ZNF286A: variants seen among roughly 807,000 people sequenced by gnomAD.
The protein encoded by ZNF286A is zinc finger protein 286A, also known as zinc finger protein ZNF286.
Under a neutral mutation model 49.3 loss-of-function variants are expected in ZNF286A, and 34 were observed. That is an observed-to-expected ratio of 0.69 (90% CI 0.52 to 0.92). ZNF286A has a LOEUF of 0.92. Among genes scored for constraint, ZNF286A ranks in the 40% least tolerant of loss-of-function variants. The pLI, the probability that ZNF286A is intolerant of heterozygous loss-of-function variation, is 0.00. For missense variants in ZNF286A, 462 were observed against 600.2 expected, an observed-to-expected ratio of 0.77 and a Z score of 2.41; for synonymous variants, 155 against 200.4, an observed-to-expected ratio of 0.77 and a Z score of 1.91.
At chr17:15,705,986 T>C (rs531534769) in intron 3 of ZNF286A, among the ~76,000 whole-genome samples, 150 of 152,358 alleles carry the variant, frequency 9.8e-4, no homozygotes, top group African/African-American at 3.4e-3. Context: ...ATTGGCTAGA[T>C]TGACTCTTCA....
At chr17:15,707,659 T>C (rs1412256254) in intron 4 of ZNF286A, among the ~76,000 whole-genome samples, 1 of 152,204 alleles carries the variant, frequency 6.6e-6, no homozygotes, top group Admixed American at 6.5e-5. Flanking sequence ...TTTCTGACAG[T>C]TGAAAATATT....
chr17:15,710,933 A>T (rs1346708404), intron 5 of ZNF286A, among the ~76,000 whole-genome samples: 1 of 139,052 alleles, frequency 7.2e-6, no homozygotes, highest in Admixed American at 7.1e-5. Flanking sequence ...TTTTTTTTTG[A>T]CGGAGTCTTG....
At chr17:15,705,012 G>C in intron 3 of ZNF286A, 1 of 701,866 alleles carries the variant, frequency 1.4e-6, no homozygotes, top group Non-Finnish European at 2.1e-6. Flanking sequence ...AGGCCCCGGC[G>C]GCCCCGCTCC....
intron 5 of ZNF286A, among the ~76,000 whole-genome samples, chr17:15,714,317 TTGAGACAA>T (rs1472264307): frequency 2.6e-5 from 4 of 152,128 alleles, no homozygotes; most frequent in Non-Finnish European, 1.5e-5. Flanking sequence ...ATGGAAAATG[TTGAGACAA>T]TGAAAAAGGC....
At chr17:15,711,859 T>TC (rs1567709650) in intron 5 of ZNF286A, among the ~76,000 whole-genome samples, 2,637 of 83,122 alleles carry the variant, frequency 0.032, 328 homozygotes, top group African/African-American at 0.089. Flanking sequence ...ATCTGTAATC[T>TC]GCCCCCCCCC....
At chr17:15,708,832 G>T (rs1030053394) in intron 5 of ZNF286A, among the ~76,000 whole-genome samples, 31 of 152,114 alleles carry the variant, frequency 2.0e-4, no homozygotes, top group African/African-American at 7.2e-4. Context: ...AATATACCCA[G>T]TTTATTCTTC....
At chr17:15,714,637 T>C (rs1467578068) in intron 5 of ZNF286A, among the ~76,000 whole-genome samples, 2 of 152,180 alleles carry the variant, frequency 1.3e-5, no homozygotes, top group East Asian at 1.9e-4. Context: ...AAATAACTTA[T>C]CCAGTATCAC....
rs763118204 is a variant in ZNF286A at position 15,716,133 on chromosome 17, G to T, written c.409G>T (p.Ala137Ser). Reference protein sequence around the residue: ...DFSKAESCKVAIIDRLTRNSV... With the variant: ...DFSKAESCKVSIIDRLTRNSV... ...TTCCAAAGCAGAATCATGCAAAGTT[G>T]CAATAATAGACAGACTGACACGGAA... The change falls in exon 6 of 6, where the codon GCA becomes TCA. Residue 137 changes from alanine (A) to serine (S), a missense_variant. By Grantham distance (99) the Ala-to-Ser change is moderately conservative. Coordinates refer to ENST00000583566, the MANE Select transcript of ZNF286A (RefSeq NM_001130842.2). The T allele has an allele frequency of 8.1e-6, 13 of 1,613,744 alleles. No individual in the cohort carries two copies. The South Asian group carries it at 1.1e-4, about 14-fold the overall frequency.
chr17:15,701,547 T>C (rs965595789), intron 3 of ZNF286A: 7 of 232,132 alleles, frequency 3.0e-5, no homozygotes, highest in Non-Finnish European at 6.0e-5. Flanking sequence ...AAATATAATG[T>C]GGTACATACC....
chr17:15,704,146 A>C, intron 3 of ZNF286A: 7 of 1,040,328 alleles, frequency 6.7e-6, no homozygotes, highest in Non-Finnish European at 9.5e-6. Flanking sequence ...CCCCGACCCC[A>C]GCCATAATTT....
chr17:15,717,134 G>A lies in ZNF286A; in HGVS notation c.1410G>A (p.Glu470=). 6.2e-7 allele frequency: 1 copy of A among 1,613,638 alleles called. No homozygotes were observed. Residue 470 remains glutamate, a synonymous_variant, in exon 6 of 6, where the codon GAG becomes GAA. Coordinates refer to ENST00000583566, the MANE Select transcript of ZNF286A (RefSeq NM_001130842.2). ...GAAAGAAACCGTACAAATGTAGCGA[G>A]TGTGGAAAAGCCTTCATTCATTCAT... The part of the protein sequence containing the change: ...HIGKKPYKCS[E]CGKAFIHSSA...
rs1256845882 is a variant in ZNF286A, at chr17:15,716,071, G to C, written c.347G>C (p.Arg116Thr). Residue 116 changes from arginine (R) to threonine (T), a missense_variant, in exon 6 of 6, where the codon AGA becomes ACA. Physicochemically the swap from Arg to Thr is moderately conservative, Grantham distance 71. Transcript: ENST00000583566. ...PKSSYSDMET[R>T]PQSKDSTSVQ... ...CAATGTCTTTCAGACATGGAGACTA[G>C]ACCACAGAGCAAGGATTCAACTTCA... 6.2e-7 allele frequency: 1 copy of C among 1,613,836 alleles called. No individual in the cohort carries two copies. Among genetic ancestry groups the C allele is most frequent in the Non-Finnish European group, 8.5e-7 (1 of 1,179,804 alleles).
chr17:15,707,432 T>TAAA (rs374776604), intron 4 of ZNF286A, among the ~76,000 whole-genome samples: 2 of 131,860 alleles, frequency 1.5e-5, no homozygotes, highest in East Asian at 2.1e-4. Context: ...AGACTCTGTC[T>TAAA]AAAAAAAAAA....
chr17:15,709,630 T>C (rs1990499975), intron 5 of ZNF286A, among the ~76,000 whole-genome samples: 1 of 152,220 alleles, frequency 6.6e-6, no homozygotes, highest in Non-Finnish European at 1.5e-5. Context: ...TATACATATG[T>C]ATGTAAAACA....
chr17:15,717,631 C>G lies in ZNF286A; in HGVS notation c.*341C>G, dbSNP rs566390201. ...TATGTCAGAGCTTTGTTGTAAGCCT[C>G]TCACTTTGTAAGGAAATTCTTATTG... On this transcript the variant is annotated 3_prime_UTR_variant, in exon 6 of 6. Coordinates refer to ENST00000583566, the MANE Select transcript of ZNF286A (RefSeq NM_001130842.2). The G allele has an allele frequency of 8.5e-6, 2 of 234,686 alleles. No homozygotes were observed. Among genetic ancestry groups the G allele is most frequent in the African/African-American group, 2.3e-5 (1 of 43,632 alleles). The allele number at this position is 234,686 out of a possible 1,614,324, so 14.5% of individuals were successfully genotyped here.
At chr17:15,704,455 C>G in intron 3 of ZNF286A, 1 of 1,611,570 alleles carries the variant, frequency 6.2e-7, no homozygotes, top group Non-Finnish European at 8.5e-7. Flanking sequence ...TGTGAGCAGA[C>G]GGGCCCGAGC....
At chr17:15,707,890 C>T (rs1990354142) in intron 4 of ZNF286A, among the ~76,000 whole-genome samples, 1 of 152,120 alleles carries the variant, frequency 6.6e-6, no homozygotes, top group African/African-American at 2.4e-5. Context: ...GTGGCTCACA[C>T]CTGTAATCCC....
chr17:15,704,955 C>G, intron 3 of ZNF286A: 1 of 1,456,788 alleles, frequency 6.9e-7, no homozygotes, highest in South Asian at 1.3e-5. Context: ...GTTCTTCGGT[C>G]CGCCGGCCGG....
At chr17:15,708,797 T>C (rs976757756) in intron 5 of ZNF286A, among the ~76,000 whole-genome samples, 3 of 152,254 alleles carry the variant, frequency 2.0e-5, no homozygotes, top group Non-Finnish European at 4.4e-5. Context: ...TTATTCATTA[T>C]CATTGTATAA....
Sources: allele counts gnomAD v4.1 joint callset (sites outside exome capture counted in the v4.1 genomes callset), GRCh38; gene constraint gnomAD v4.1.1; transcripts MANE v1.5; gene names NCBI Gene and HGNC (gene_info 2026-07-23, HGNC 2026-07-21).